The following IQGAP2 variants were observed in gnomAD, a reference collection of about 807,000 sequenced individuals.
The protein encoded by IQGAP2 is IQ motif containing GTPase activating protein 2.
In IQGAP2, 173 loss-of-function variants were observed where a neutral mutation model predicts 201.3. That is an observed-to-expected ratio of 0.86 (90% confidence interval 0.76 to 0.98). IQGAP2 has a LOEUF of 0.98. IQGAP2 is among the 50% of genes least tolerant of loss of function. The probability of loss-of-function intolerance (pLI) is 0.00; values close to 1 mark genes in which losing one functional copy is unlikely to be tolerated. For missense variants in IQGAP2, 1,687 were observed against 1,864.8 expected, an observed-to-expected ratio of 0.90 and a Z score of 1.76; for synonymous variants, 675 against 673.9, an observed-to-expected ratio of 1.00 and a Z score of -0.03.
chr5:76,645,046 G>A (rs1751922830), intron 17 of IQGAP2, among the ~76,000 whole-genome samples: 1 of 151,838 alleles, frequency 6.6e-6, no homozygotes, highest in Admixed American at 6.6e-5. Context: ...TCCCCTCCCT[G>A]TGTCCATATG....
At chr5:76,594,502 G>A (rs1746877698) in intron 9 of IQGAP2, among the ~76,000 whole-genome samples, 1 of 152,062 alleles carries the variant, frequency 6.6e-6, no homozygotes, top group South Asian at 2.1e-4. Flanking sequence ...AAAACCGGCT[G>A]AAAATATGAA....
intron 2 of IQGAP2, among the ~76,000 whole-genome samples, chr5:76,495,360 T>C (rs1756829277): frequency 6.6e-6 from 1 of 152,188 alleles, no homozygotes; most frequent in East Asian, 1.9e-4. Flanking sequence ...CATGGACTTA[T>C]CATGATCAAT....
intron 2 of IQGAP2, among the ~76,000 whole-genome samples, chr5:76,544,301 A>G (rs191632640): frequency 3.5e-4 from 53 of 152,288 alleles, no homozygotes; most frequent in Non-Finnish European, 6.5e-4. Flanking sequence ...AGGGGTTCCT[A>G]CAGCCCACGA....
Position 76,686,214 on chromosome 5 carries a change from T to A in IQGAP2, c.3905+2297T>A, listed in dbSNP as rs555909855. On this transcript the variant is annotated intron_variant, in intron 30 of 35. Coordinates refer to ENST00000274364, the MANE Select transcript of IQGAP2 (RefSeq NM_006633.5). ...TTTATATATTCTGGACACTGGACCA[T>A]TATCAGATATATGATTTGCAAATAT... is the stretch of plus-strand genomic sequence containing the variant. 2.6e-5 allele frequency among the ~76,000 whole-genome samples: 4 copies of A among 152,326 alleles called. No individual in the cohort carries two copies. The South Asian group carries it at 8.3e-4, about 32-fold the overall frequency.
At chr5:76,671,683 C>A in intron 23 of IQGAP2, 76 bp from the exon 24 acceptor site, 1 of 1,028,634 alleles carries the variant, frequency 9.7e-7, no homozygotes, top group Non-Finnish European at 1.4e-6. Flanking sequence ...GCAAGACTGT[C>A]TCGGGGAAAA....
chr5:76,505,891 C>T (rs929443517), intron 2 of IQGAP2, among the ~76,000 whole-genome samples: 6 of 152,164 alleles, frequency 3.9e-5, no homozygotes, highest in African/African-American at 1.2e-4. Context: ...TACCATTGCC[C>T]CTCTGCTCAG....
At chr5:76,495,290 C>T (rs1043795879) in intron 2 of IQGAP2, among the ~76,000 whole-genome samples, 1 of 152,304 alleles carries the variant, frequency 6.6e-6, no homozygotes, top group Non-Finnish European at 1.5e-5. Context: ...CATGCTTTTA[C>T]GTGGTGTTTG....
intron 13 of IQGAP2, 78 bp downstream of exon 13, chr5:76,611,261 A>G (rs1748386371): frequency 9.3e-7 from 1 of 1,078,938 alleles, no homozygotes; most frequent in Non-Finnish European, 1.3e-6. Context: ...GATTTGACCC[A>G]TTTACGTTAA....
intron 23 of IQGAP2, among the ~76,000 whole-genome samples, chr5:76,671,554 G>T (rs1744320952): frequency 1.3e-5 from 2 of 151,860 alleles, no homozygotes; most frequent in Non-Finnish European, 2.9e-5. Flanking sequence ...GGCATGTGGT[G>T]GTGCACACCT....
intron 5 of IQGAP2, among the ~76,000 whole-genome samples, chr5:76,581,949 A>G (rs1292876266): frequency 6.6e-6 from 1 of 152,260 alleles, no homozygotes; most frequent in Non-Finnish European, 1.5e-5. Context: ...CAAAGGACAC[A>G]TTTATTTAAC....
intron 17 of IQGAP2, among the ~76,000 whole-genome samples, chr5:76,641,315 AT>A (rs919994856): frequency 6.6e-6 from 1 of 152,226 alleles, no homozygotes; most frequent in African/African-American, 2.4e-5. Context: ...TCTAGAGAGC[AT>A]TTAGGAGCAC....
At chr5:76,655,810 TCTC>T (rs1752866512) in intron 20 of IQGAP2, among the ~76,000 whole-genome samples, 1 of 152,226 alleles carries the variant, frequency 6.6e-6, no homozygotes, top group South Asian at 2.1e-4. Context: ...TTTTGTGCTA[TCTC>T]CTTACAGTCC....
At chr5:76,690,028 T>G (rs1233202559) in intron 30 of IQGAP2, among the ~76,000 whole-genome samples, 1 of 152,226 alleles carries the variant, frequency 6.6e-6, no homozygotes, top group African/African-American at 2.4e-5. Flanking sequence ...TTCTCTTTTT[T>G]TCTTAATTCT....
At chr5:76,612,717 A>G (rs750274550) in intron 13 of IQGAP2, among the ~76,000 whole-genome samples, 1 of 152,080 alleles carries the variant, frequency 6.6e-6, no homozygotes, top group Non-Finnish European at 1.5e-5. Flanking sequence ...TGATGTGCAC[A>G]TAGATGGAAT....
chr5:76,667,993 C>T (rs1743944155), intron 22 of IQGAP2, among the ~76,000 whole-genome samples: 1 of 151,404 alleles, frequency 6.6e-6, no homozygotes, highest in South Asian at 2.1e-4. Context: ...ATCCTCCCAA[C>T]CTCAGCCTCT....
At chr5:76,506,066 C>T (rs1035361314) in intron 2 of IQGAP2, among the ~76,000 whole-genome samples, 1 of 152,164 alleles carries the variant, frequency 6.6e-6, no homozygotes, top group Non-Finnish European at 1.5e-5. Flanking sequence ...GTTTACACTA[C>T]CATCAACCAC....
At chr5:76,609,064 C>T (rs1365461357) in intron 12 of IQGAP2, 1 of 1,518,306 alleles carries the variant, frequency 6.6e-7, no homozygotes, top group Non-Finnish European at 8.8e-7. Flanking sequence ...GGTAATCTTT[C>T]AGCTCCTATG....
chr5:76,491,492 T>G (rs1756535706), intron 2 of IQGAP2, among the ~76,000 whole-genome samples: 1 of 152,156 alleles, frequency 6.6e-6, no homozygotes. Context: ...TTTGTAGAGA[T>G]AAGATTTCAC....
At chr5:76,485,946 C>T (rs1756110178) in intron 2 of IQGAP2, among the ~76,000 whole-genome samples, 2 of 152,170 alleles carry the variant, frequency 1.3e-5, no homozygotes, top group East Asian at 3.8e-4. Flanking sequence ...TTTTCAATGA[C>T]TTCCTCAGCA....
Sources: allele counts gnomAD v4.1 joint callset (sites outside exome capture counted in the v4.1 genomes callset), GRCh38; gene constraint gnomAD v4.1.1; transcripts MANE v1.5; gene names NCBI Gene and HGNC (gene_info 2026-07-23, HGNC 2026-07-21).